VPS13B: variants seen among roughly 807,000 people sequenced by gnomAD.
The protein encoded by VPS13B is intermembrane lipid transfer protein VPS13B.
A neutral mutation model predicts 426.4 loss-of-function variants in VPS13B; 285 were observed. That is an observed-to-expected ratio of 0.67 (90% CI 0.61 to 0.74). The LOEUF is 0.74. Among genes scored for constraint, VPS13B ranks in the 30% least tolerant of loss-of-function variants. VPS13B has a pLI of 0.00. For synonymous variants in VPS13B, 1,676 were observed against 1,676.4 expected (o/e 1.00, Z 0.01); for missense variants, 4,537 against 4,782.6 (o/e 0.95, Z 1.51).
At chr8:99,478,657 C>T (rs1193333228) in intron 24 of VPS13B, among the ~76,000 whole-genome samples, 4 of 151,536 alleles carry the variant, frequency 2.6e-5, no homozygotes, top group Admixed American at 6.6e-5. Flanking sequence ...CCATGTTGGC[C>T]AGGCTGGTGT....
chr8:99,775,247 G>T (rs1395889493), intron 40 of VPS13B, among the ~76,000 whole-genome samples: 1 of 152,096 alleles, frequency 6.6e-6, no homozygotes, highest in Admixed American at 6.6e-5. Context: ...GAAAATCAAG[G>T]ATTTGTTTCT....
chr8:99,151,297 T>C (rs146968234), intron 14 of VPS13B, among the ~76,000 whole-genome samples: 220 of 152,330 alleles, frequency 1.4e-3, no homozygotes, highest in Non-Finnish European at 8.7e-4. Context: ...GATAGGTCTT[T>C]TGCAAATATT....
At chr8:99,816,536 T>C (rs1814052700) in intron 44 of VPS13B, among the ~76,000 whole-genome samples, 1 of 152,194 alleles carries the variant, frequency 6.6e-6, no homozygotes, top group African/African-American at 2.4e-5. Flanking sequence ...CCAGGCACAG[T>C]AGCTCATGCT....
chr8:99,380,738 T>C (rs765130707), intron 19 of VPS13B, among the ~76,000 whole-genome samples: 6 of 152,052 alleles, frequency 3.9e-5, no homozygotes, highest in Non-Finnish European at 7.4e-5. Context: ...TTGTTATTAA[T>C]AGTAATTTTC....
chr8:99,520,883 C>T lies in VPS13B; in HGVS notation c.4634-16C>T. 1 of 1,609,080 alleles carries T rather than the reference C, an allele frequency of 6.2e-7. No homozygotes were observed. The highest frequency in any genetic ancestry group is 8.5e-7 in the Non-Finnish European group (1 of 1,175,618). On this transcript the variant is annotated splice_polypyrimidine_tract_variant and intron_variant, in intron 29 of 61. Coordinates refer to ENST00000357162, the MANE Select transcript of VPS13B (RefSeq NM_152564.5). ...AGATCCACAGTGTATTCATGAATCT[C>T]CTTCTTTTGTTACAGCTAATCAGGC...
chr8:99,319,277 G>A (rs1005744082), intron 19 of VPS13B, among the ~76,000 whole-genome samples: 9 of 152,188 alleles, frequency 5.9e-5, no homozygotes, highest in Admixed American at 3.3e-4. Flanking sequence ...TGAAATAGCC[G>A]TGAGTGATGT....
chr8:99,327,292 ATAT>A (rs988536465), intron 19 of VPS13B, among the ~76,000 whole-genome samples: 2 of 152,214 alleles, frequency 1.3e-5, no homozygotes, highest in Non-Finnish European at 2.9e-5. Flanking sequence ...GACTAACCAA[ATAT>A]TATTAAAGAA....
At chr8:99,596,683 A>T (rs574838093) in intron 33 of VPS13B, among the ~76,000 whole-genome samples, 1 of 152,070 alleles carries the variant, frequency 6.6e-6, no homozygotes, top group African/African-American at 2.4e-5. Flanking sequence ...TTATGCTCAC[A>T]TTCCATTGGT....
At chr8:99,174,454 T>G (rs901832731) in intron 16 of VPS13B, among the ~76,000 whole-genome samples, 1 of 152,174 alleles carries the variant, frequency 6.6e-6, no homozygotes, top group Non-Finnish European at 1.5e-5. Context: ...TTCTCCATAT[T>G]TTCATCAACA....
At chr8:99,055,131 C>G (rs115341604) in intron 3 of VPS13B, among the ~76,000 whole-genome samples, 1 of 148,220 alleles carries the variant, frequency 6.7e-6, no homozygotes, top group East Asian at 2.0e-4. Context: ...CCTCTGCTTT[C>G]GTGCTTAAGT....
intron 30 of VPS13B, among the ~76,000 whole-genome samples, chr8:99,550,661 CTT>C (rs1824233277): frequency 6.6e-6 from 1 of 151,724 alleles, no homozygotes; most frequent in Non-Finnish European, 1.5e-5. Flanking sequence ...CTTATTGAGA[CTT>C]TTTTATTTGC....
In VPS13B at chr8:99,250,776, C is replaced by A. The variant is rs146103532; in HGVS notation, c.2516-23422C>A. Among the ~76,000 whole-genome samples the A allele has an allele frequency of 1.5e-4, 20 of 137,048 alleles. No homozygotes were observed. The East Asian group carries it at 4.5e-3, about 31-fold the overall frequency. The allele number at this position is 137,048 out of a possible 152,430, so 89.9% of individuals were successfully genotyped here. On this transcript the variant is annotated intron_variant, in intron 17 of 61. Coordinates refer to ENST00000357162, the MANE Select transcript of VPS13B (RefSeq NM_152564.5). ...CATAGCTCATTGTAAGCTCAAACTCCTGGGCTCAAGTGATCTTCCCACCTC... is the reference window on the plus strand; with the variant it reads ...CATAGCTCATTGTAAGCTCAAACTCATGGGCTCAAGTGATCTTCCCACCTC...
At chr8:99,793,284 T>TATATATATATATATATAA (rs1282918685) in intron 43 of VPS13B, among the ~76,000 whole-genome samples, 30 of 142,526 alleles carry the variant, frequency 2.1e-4, no homozygotes, top group African/African-American at 7.8e-4. Flanking sequence ...TATATATATA[T>TATATATATATATATATAA]AAAATACATG....
intron 23 of VPS13B, among the ~76,000 whole-genome samples, chr8:99,451,325 C>T (rs943118662): frequency 2.0e-5 from 3 of 152,226 alleles, no homozygotes; most frequent in African/African-American, 4.8e-5. Flanking sequence ...CTAAATTTCC[C>T]TTATTTGTCC....
intron 16 of VPS13B, among the ~76,000 whole-genome samples, chr8:99,170,628 A>G (rs922610436): frequency 2.0e-5 from 3 of 151,926 alleles, no homozygotes; most frequent in Admixed American, 2.0e-4. Context: ...TATATTTTAT[A>G]AGAAATTGAT....
At chr8:99,501,900 C>CTCCT (rs1450959428) in intron 26 of VPS13B, 42 bp downstream of exon 26, 1 of 918,330 alleles carries the variant, frequency 1.1e-6, no homozygotes, top group Non-Finnish European at 1.5e-6. Context: ...CCCTCTGTCC[C>CTCCT]TCCCTCCCTC....
chr8:99,861,542 T>C (rs1394130838), intron 57 of VPS13B, among the ~76,000 whole-genome samples: 1 of 152,200 alleles, frequency 6.6e-6, no homozygotes, highest in African/African-American at 2.4e-5. Flanking sequence ...GCTCAAGCAA[T>C]CCTCCTGCGC....
At chr8:99,472,276 A>T (rs1182843094) in intron 24 of VPS13B, among the ~76,000 whole-genome samples, 2 of 152,124 alleles carry the variant, frequency 1.3e-5, no homozygotes, top group East Asian at 3.8e-4. Flanking sequence ...TGGCATTTAT[A>T]GAACAGTATA....
Position 99,317,118 on chromosome 8 carries a change from G to C in VPS13B, c.2824+41864G>C, listed in dbSNP as rs1056319298. Among the ~76,000 whole-genome samples, 3 of 152,172 alleles carry C rather than the reference G, an allele frequency of 2.0e-5. 1 individual carries two copies. Among genetic ancestry groups the C allele is most frequent in the South Asian group, 4.1e-4 (2 of 4,832 alleles). ...CAAAGTTATAATGAGTTCATCTACT[G>C]TATTCCTTGCTCTGTTTATAAGCAA... On this transcript the variant is annotated intron_variant, in intron 19 of 61. Transcript: ENST00000357162.
Sources: allele counts gnomAD v4.1 joint callset (sites outside exome capture counted in the v4.1 genomes callset), GRCh38; gene constraint gnomAD v4.1.1; transcripts MANE v1.5; gene names NCBI Gene and HGNC (gene_info 2026-07-23, HGNC 2026-07-21).